The following LRRC8E variants were observed in gnomAD, a reference collection of about 807,000 sequenced individuals.
LRRC8E encodes leucine rich repeat containing 8 VRAC subunit E, also known as volume-regulated anion channel subunit LRRC8E.
LRRC8E carries 6 observed loss-of-function variants against 6.1 expected under a neutral mutation model. The ratio of observed to expected loss-of-function variants is 0.98; its 90% confidence interval spans 0.54 to 1.93. The LOEUF is 1.93. Among genes scored for constraint, LRRC8E ranks in the 30% most tolerant of loss-of-function variants. The pLI, the probability that LRRC8E is intolerant of heterozygous loss-of-function variation, is 0.01. For missense variants in LRRC8E, 1,028 were observed against 1,031.4 expected (o/e 1.00, Z 0.04); for synonymous variants, 485 against 472.8 (o/e 1.03, Z -0.33).
rs1981911327 is a variant in LRRC8E, at chr19:7,900,273, T to C, written c.1751T>C (p.Leu584Ser). Reference protein sequence around the residue: ...ALNSLKKLAALRELELVACGL... With the variant: ...ALNSLKKLAASRELELVACGL... ...AACAGCCTCAAGAAGCTGGCGGCAT[T>C]GCGGGAGCTGGAGCTGGTGGCCTGC... Residue 584 changes from leucine (L) to serine (S), a missense_variant, in exon 3 of 3, where the codon TTG (leucine) becomes TCG (serine). Transcript: ENST00000306708. This position sits in a 1 kb window ranked among gnomAD's most constrained non-coding sequence, Gnocchi z 5.0. 1.2e-6 allele frequency: 2 copies of C among 1,613,338 alleles called. No homozygotes were observed. Among genetic ancestry groups the C allele is most frequent in the Non-Finnish European group, 8.5e-7 (1 of 1,180,008 alleles).
chr19:7,890,679 C>G (rs1981256712), intron 1 of LRRC8E, among the ~76,000 whole-genome samples: 1 of 151,928 alleles, frequency 6.6e-6, no homozygotes, highest in South Asian at 2.1e-4. Context: ...GTCCCAGCTA[C>G]TCGGGAGGCT....
In LRRC8E at chr19:7,900,626, C is replaced by T. The variant is rs1228453601; in HGVS notation, c.2104C>T (p.Gln702Ter). 1 of 1,613,432 alleles carries T rather than the reference C, an allele frequency of 6.2e-7. No homozygotes were observed. Among genetic ancestry groups the T allele is most frequent in the Non-Finnish European group, 8.5e-7 (1 of 1,180,040 alleles). Residue 702 changes from glutamine (Q) to a stop codon, truncating the protein, a stop_gained, in exon 3 of 3, where the codon CAG becomes TAG. Coordinates refer to ENST00000306708, the MANE Select transcript of LRRC8E (RefSeq NM_025061.6). LOFTEE classifies it low-confidence loss of function (END_TRUNC). The surrounding 1 kb of genome is among the most constrained non-coding windows in gnomAD (Gnocchi z 5.0). The stretch of plus-strand genomic sequence containing the variant: ...CGAGGTGGGCCTCCTGCAGAACCTA[C>T]AGCACCTGGCCCTCTCCTACAATGC... ...PPEVGLLQNL[Q>*]HLALSYNALE...
rs148027351 is a variant in LRRC8E at position 7,897,739 on chromosome 19, G to T, written c.139-922G>T. Among the ~76,000 whole-genome samples the T allele has an allele frequency of 1.7e-3, 256 of 151,754 alleles. 7 individuals carry two copies. The East Asian group carries it at 0.038, about 23-fold the overall frequency. On this transcript the variant is annotated intron_variant, in intron 2 of 2. Coordinates refer to ENST00000306708, the MANE Select transcript of LRRC8E (RefSeq NM_025061.6). ...TGTCTATGTTTCCCCTTTCTCTAAG[G>T]CGCAGTCATACTGGGCCCACCCTAC... is the stretch of plus-strand genomic sequence containing the variant.
intron 2 of LRRC8E, among the ~76,000 whole-genome samples, chr19:7,898,197 CTT>C (rs1304988641): frequency 3.0e-5 from 4 of 132,780 alleles, no homozygotes; most frequent in Admixed American, 8.4e-5. Context: ...GAGCGAGACT[CTT>C]GTCTCAAAAA....
chr19:7,899,041 C>T lies in LRRC8E; in HGVS notation c.519C>T (p.Asn173=). Residue 173 remains asparagine, a synonymous_variant, in exon 3 of 3, where the codon AAC becomes AAT. Coordinates refer to ENST00000306708, the MANE Select transcript of LRRC8E (RefSeq NM_025061.6). The part of the protein sequence containing the change: ...TRALSEVSGE[N]QKGPAATERA... ...CCCTATCCGAGGTCTCCGGGGAGAA[C>T]CAGAAGGGCCCAGCAGCCACCGAAC... The T allele has an allele frequency of 1.2e-6, 2 of 1,613,506 alleles. No individual in the cohort carries two copies. The highest frequency in any genetic ancestry group is 1.7e-5 in the Admixed American group (1 of 60,006).
intron 2 of LRRC8E, among the ~76,000 whole-genome samples, chr19:7,897,331 G>C (rs374557248): frequency 6.6e-6 from 1 of 151,822 alleles, no homozygotes; most frequent in African/African-American, 2.4e-5. Context: ...CACCACGCCC[G>C]GCTAATATTT....
Position 7,900,043 on chromosome 19 carries a change from G to C in LRRC8E, c.1521G>C (p.Arg507=). ...REVPLWVFGL[R]GLEELHLEGL... ...TGCCGCTTTGGGTGTTTGGGCTGCG[G>C]GGCTTGGAGGAGCTGCACCTGGAGG... The change falls in exon 3 of 3, where the codon CGG becomes CGC. Residue 507 remains arginine, a synonymous_variant. Coordinates refer to ENST00000306708, the MANE Select transcript of LRRC8E (RefSeq NM_025061.6). The surrounding 1 kb of genome is among the most constrained non-coding windows in gnomAD (Gnocchi z 5.0). The C allele has an allele frequency of 6.2e-7, 1 of 1,610,978 alleles. No individual in the cohort carries two copies. Among genetic ancestry groups the C allele is most frequent in the Non-Finnish European group, 8.5e-7 (1 of 1,179,500 alleles).
chr19:7,900,596 C>A lies in LRRC8E; in HGVS notation c.2074C>A (p.Pro692Thr). Residue 692 changes from proline to threonine, a missense_variant, in exon 3 of 3, where the codon CCA (proline) becomes ACA (threonine). Transcript: ENST00000306708. The surrounding 1 kb of genome is among the most constrained non-coding windows in gnomAD (Gnocchi z 5.0). ...DVSHNGLHSLPPEVGLLQNLQ... is the reference protein window; with the variant it reads ...DVSHNGLHSLTPEVGLLQNLQ... ...GTCCCACAATGGGCTACACTCCCTG[C>A]CACCCGAGGTGGGCCTCCTGCAGAA... 6.2e-7 allele frequency: 1 copy of A among 1,613,308 alleles called. No individual in the cohort carries two copies. The highest frequency in any genetic ancestry group is 8.5e-7 in the Non-Finnish European group (1 of 1,180,044).
intron 1 of LRRC8E, among the ~76,000 whole-genome samples, chr19:7,889,738 A>C (rs573184710): frequency 1.8e-4 from 25 of 142,560 alleles, no homozygotes; most frequent in South Asian, 1.6e-3. Context: ...GCAAGACTCT[A>C]TCTCTCTCTC....
chr19:7,900,861 C>A lies in LRRC8E; in HGVS notation c.2339C>A (p.Thr780Lys). ...LKKAGLLVED[T>K]LYQGLPAEVR... Reference sequence around the variant, plus strand: ...AAGGCGGGGCTCCTGGTGGAAGACACGCTTTACCAGGGTCTGCCGGCAGAA... The same window carrying A: ...AAGGCGGGGCTCCTGGTGGAAGACAAGCTTTACCAGGGTCTGCCGGCAGAA... The change falls in exon 3 of 3, where the codon ACG (threonine) becomes AAG (lysine). Residue 780 changes from threonine to lysine, a missense_variant. Physicochemically the swap from Thr to Lys is moderately conservative, Grantham distance 78. Coordinates refer to ENST00000306708, the MANE Select transcript of LRRC8E (RefSeq NM_025061.6). This position sits in a 1 kb window ranked among gnomAD's most constrained non-coding sequence, Gnocchi z 5.0. 1.3e-6 allele frequency: 2 copies of A among 1,545,894 alleles called. No individual in the cohort carries two copies. Among genetic ancestry groups the A allele is most frequent in the East Asian group, 2.3e-5 (1 of 44,316 alleles).
rs1278798527 is a variant in LRRC8E, at chr19:7,900,052, G to A, written c.1530G>A (p.Glu510=). 6.2e-7 allele frequency: 1 copy of A among 1,611,090 alleles called. No individual in the cohort carries two copies. The highest frequency in any genetic ancestry group is 1.1e-5 in the South Asian group (1 of 90,900). ...GGGTGTTTGGGCTGCGGGGCTTGGA[G>A]GAGCTGCACCTGGAGGGGCTTTTCC... is the stretch of plus-strand genomic sequence containing the variant. The part of the protein sequence containing the change: ...PLWVFGLRGL[E]ELHLEGLFPQ... The change falls in exon 3 of 3, where the codon GAG becomes GAA. Residue 510 remains glutamate (E), a synonymous_variant. Coordinates refer to ENST00000306708, the MANE Select transcript of LRRC8E (RefSeq NM_025061.6). This position sits in a 1 kb window ranked among gnomAD's most constrained non-coding sequence, Gnocchi z 5.0.
rs1981889288 is a variant in LRRC8E at position 7,900,077 on chromosome 19, C to A, written c.1555C>A (p.Pro519Thr). The A allele has an allele frequency of 1.7e-5, 27 of 1,611,938 alleles. No homozygotes were observed. Among genetic ancestry groups the A allele is most frequent in the Non-Finnish European group, 2.3e-5 (27 of 1,179,802 alleles). ...GGAGCTGCACCTGGAGGGGCTTTTCCCCCAGGAGCTAGCTCGGGCAGCCAC... is the reference window on the plus strand; with the variant it reads ...GGAGCTGCACCTGGAGGGGCTTTTCACCCAGGAGCTAGCTCGGGCAGCCAC... ...LEELHLEGLF[P>T]QELARAATLE... is the part of the protein sequence containing the mutation. The change falls in exon 3 of 3, where the codon CCC (proline) becomes ACC (threonine). Residue 519 changes from proline (P) to threonine (T), a missense_variant. By Grantham distance (38) the Pro-to-Thr change is conservative. Transcript: ENST00000306708. This position sits in a 1 kb window ranked among gnomAD's most constrained non-coding sequence, Gnocchi z 5.0.
chr19:7,895,706 A>C lies in LRRC8E; in HGVS notation c.103A>C (p.Met35Leu). ...GCTGGCCGAGTACCTCACCGTGGCC[A>C]TGCTCATGATTGGGGTCTTTGGCTG... The part of the protein sequence containing the change: ...DVLAEYLTVA[M>L]LMIGVFGCTL... Residue 35 changes from methionine (M) to leucine (L), a missense_variant, in exon 2 of 3, where the codon ATG becomes CTG. Met to Leu is a conservative substitution (Grantham distance 15, BLOSUM62 2). Transcript: ENST00000306708. The surrounding 1 kb of genome is among the most constrained non-coding windows in gnomAD (Gnocchi z 4.7). The C allele has an allele frequency of 1.2e-6, 2 of 1,614,006 alleles. No individual in the cohort carries two copies. Among genetic ancestry groups the C allele is most frequent in the Non-Finnish European group, 1.7e-6 (2 of 1,179,920 alleles).
At chr19:7,898,637 C>T in intron 2 of LRRC8E, 24 bp from the exon 3 acceptor site, 4 of 1,571,704 alleles carry the variant, frequency 2.5e-6, no homozygotes, top group Non-Finnish European at 3.5e-6. Context: ...AGGATTACAG[C>T]CCTCATTCTC....
chr19:7,900,037 G>T lies in LRRC8E; in HGVS notation c.1515G>T (p.Gly505=). 1 of 1,610,646 alleles carries T rather than the reference G, an allele frequency of 6.2e-7. No individual in the cohort carries two copies. The highest frequency in any genetic ancestry group is 1.1e-5 in the South Asian group (1 of 90,864). The change falls in exon 3 of 3, where the codon GGG becomes GGT. Residue 505 remains glycine, a synonymous_variant. Transcript: ENST00000306708. This position sits in a 1 kb window ranked among gnomAD's most constrained non-coding sequence, Gnocchi z 5.0. The stretch of plus-strand genomic sequence containing the variant: ...GCGAGGTGCCGCTTTGGGTGTTTGG[G>T]CTGCGGGGCTTGGAGGAGCTGCACC... ...ELREVPLWVF[G]LRGLEELHLE... is the part of the protein sequence containing the mutation.
At chr19:7,889,194 A>G (rs1981173420) in intron 1 of LRRC8E, among the ~76,000 whole-genome samples, 1 of 152,036 alleles carries the variant, frequency 6.6e-6, no homozygotes, top group Non-Finnish European at 1.5e-5. Flanking sequence ...CCTTACGTCT[A>G]TAATCCCAGC....
At chr19:7,896,884 T>C (rs1981624501) in intron 2 of LRRC8E, among the ~76,000 whole-genome samples, 1 of 152,024 alleles carries the variant, frequency 6.6e-6, no homozygotes, top group Non-Finnish European at 1.5e-5. Context: ...TGTGAGCCAC[T>C]GTGTCCAGCC....
intron 1 of LRRC8E, chr19:7,893,562 T>C (rs867935450): frequency 0.015 from 2,057 of 133,968 alleles, 23 homozygotes; most frequent in Non-Finnish European, 0.023. Context: ...TTTTTTTTTT[T>C]CCCGAGACAG....
Position 7,899,782 on chromosome 19 carries a change from G to A in LRRC8E, c.1260G>A (p.Glu420=). The A allele has an allele frequency of 6.2e-7, 1 of 1,609,888 alleles. No homozygotes were observed. The highest frequency in any genetic ancestry group is 1.6e-4 in the Middle Eastern group (1 of 6,062). ...AGCGCAATGCCGCGGGCCGGCTGGA[G>A]CTGGCCCTCTGCATGCTGCCGGGTC... ...KLQRNAAGRL[E]LALCMLPGLP... Residue 420 remains glutamate, a synonymous_variant, in exon 3 of 3, where the codon GAG becomes GAA. Transcript: ENST00000306708.
Sources: gnomAD v4.1 joint callset for allele counts (sites outside exome capture counted in the v4.1 genomes callset) on GRCh38, gnomAD v4.1.1 for gene constraint, Gnocchi (gnomAD v3.1) non-coding constraint, MANE v1.5 for transcripts, NCBI Gene and HGNC (gene_info 2026-07-23, HGNC 2026-07-21) for gene names.